Variants in FRY observed in about 807,000 individuals in gnomAD.
FRY encodes the protein protein furry homolog.
A neutral mutation model predicts 348.4 loss-of-function variants in FRY; 128 were observed. That is an observed-to-expected ratio of 0.37 (90% CI 0.32 to 0.43). The LOEUF is 0.43. Among genes scored for constraint, FRY ranks in the 20% least tolerant of loss-of-function variants. FRY has a pLI of 1.00. For missense variants in FRY, 2,736 were observed against 3,695.2 expected, an observed-to-expected ratio of 0.74 and a Z score of 6.73; for synonymous variants, 1,370 against 1,374.7, an observed-to-expected ratio of 1.00 and a Z score of 0.08.
chr13:32,202,315 T>A (rs962536699), intron 30 of FRY, 41 bp from the exon 31 acceptor site: 1 of 1,480,264 alleles, frequency 6.8e-7, no homozygotes, highest in Non-Finnish European at 9.5e-7. Flanking sequence ...ATCCAGCTAA[T>A]GCTTTTCATA....
Position 32,234,591 on chromosome 13 carries a change from C to G in FRY, c.5545C>G (p.Gln1849Glu), listed in dbSNP as rs370781336. 4 of 1,613,908 alleles carry G rather than the reference C, an allele frequency of 2.5e-6. No individual in the cohort carries two copies. In the South Asian group the frequency reaches 3.3e-5, roughly 13 times the overall value. ...DSKSGFHLEHQLSEVALQTAL... is the reference protein window; with the variant it reads ...DSKSGFHLEHELSEVALQTAL... ...TACCCTAGGCTTCCATCTGGAGCACCAGTTGAGTGAAGTTGCATTGCAGAC... is the reference window on the plus strand; with the variant it reads ...TACCCTAGGCTTCCATCTGGAGCACGAGTTGAGTGAAGTTGCATTGCAGAC... The change falls in exon 42 of 61, where the codon CAG becomes GAG. Residue 1849 changes from glutamine to glutamate, a missense_variant. Physicochemically the swap from Gln to Glu is conservative, Grantham distance 29 (BLOSUM62 2). This residue lies in a region of FRY where 794 missense variants were observed against 977.0 expected (regional missense o/e 0.81). Coordinates refer to ENST00000542859, the MANE Select transcript of FRY (RefSeq NM_023037.3).
chr13:32,276,673 T>C (rs1166358145), intron 57 of FRY, 111 bp downstream of exon 57: 5 of 741,368 alleles, frequency 6.7e-6, no homozygotes, highest in Non-Finnish European at 1.2e-5. Flanking sequence ...GACTTCATCT[T>C]TTCCTTTGTT....
At chr13:32,219,703 G>A (rs1885213869) in intron 36 of FRY, among the ~76,000 whole-genome samples, 1 of 152,034 alleles carries the variant, frequency 6.6e-6, no homozygotes, top group Non-Finnish European at 1.5e-5. Flanking sequence ...AGCTTGCAGT[G>A]AGCCGAGATC....
intron 37 of FRY, 126 bp downstream of exon 37, chr13:32,224,511 T>C: frequency 1.2e-6 from 1 of 829,950 alleles, no homozygotes; most frequent in Admixed American, 2.8e-5. Flanking sequence ...GGATCCTGCC[T>C]GATTTGACTG....
At position 32,037,017 on chromosome 13, in the gene FRY, C is replaced by T. The variant is rs74655449; in HGVS notation, c.70+5152C>T. On this transcript the variant is annotated intron_variant, in intron 1 of 60. Transcript: ENST00000542859. ...GCTCTTTGTCTCTCTGTTTCTCTCT[C>T]TCTCTGTTTTACACACACACACACA... is the stretch of plus-strand genomic sequence containing the variant. 7.9e-3 allele frequency among the ~76,000 whole-genome samples: 1,114 copies of T among 140,544 alleles called. 12 individuals carry two copies. The highest frequency in any genetic ancestry group is 0.028 in the African/African-American group (1,049 of 37,314). 92.2% of individuals were successfully genotyped at this position (140,544 alleles called of 152,430 possible).
At chr13:32,075,617 C>T (rs1874996321) in intron 1 of FRY, among the ~76,000 whole-genome samples, 1 of 152,114 alleles carries the variant, frequency 6.6e-6, no homozygotes, top group South Asian at 2.1e-4. Context: ...ATTTGACTAC[C>T]GGGGAACATG....
chr13:32,269,576 C>T (rs1888106122), intron 55 of FRY, among the ~76,000 whole-genome samples: 1 of 152,074 alleles, frequency 6.6e-6, no homozygotes, highest in East Asian at 1.9e-4. Flanking sequence ...CCTGTAATCC[C>T]AGCTACTCGG....
At chr13:32,261,432 A>G in intron 51 of FRY, 184 bp from the exon 52 acceptor site, 6 of 764,780 alleles carry the variant, frequency 7.8e-6, no homozygotes, top group Non-Finnish European at 2.4e-6. Context: ...ATGAGTTTAC[A>G]TGAAAATAGT....
Position 32,202,374 on chromosome 13 carries a change from T to C in FRY, c.3865T>C (p.Phe1289Leu). 6.2e-7 allele frequency: 1 copy of C among 1,614,122 alleles called. No homozygotes were observed. The highest frequency in any genetic ancestry group is 8.5e-7 in the Non-Finnish European group (1 of 1,179,974). Reference protein sequence around the residue: ...QLMQILEAKLFVYSKKVAEQR... With the variant: ...QLMQILEAKLLVYSKKVAEQR... ...TTTATAGATCCTTGAAGCAAAGCTT[T>C]TTGTATACTCAAAGAAAGTCGCTGA... is the stretch of plus-strand genomic sequence containing the variant. The change falls in exon 31 of 61, where the codon TTT becomes CTT. Residue 1289 changes from phenylalanine (F) to leucine (L), a missense_variant. Phe to Leu is a conservative substitution (Grantham distance 22, BLOSUM62 0). Transcript: ENST00000542859.
chr13:32,093,438 GTCTT>G lies in FRY; in HGVS notation c.271-8518_271-8515del, dbSNP rs1876470654. On this transcript the variant is annotated intron_variant, in intron 2 of 60. Transcript: ENST00000542859. ...CTCAAAACTTATTTATTGAGGAAAC[GTCTT>G]TCTTTCCCGCTCTTTCCTTCAGTCT... Among the ~76,000 whole-genome samples the G allele has an allele frequency of 2.6e-5, 4 of 152,168 alleles. No homozygotes were observed. In the South Asian group the frequency reaches 8.3e-4, roughly 32 times the overall value.
At chr13:32,227,342 T>C (rs1363891409) in intron 39 of FRY, among the ~76,000 whole-genome samples, 1 of 152,218 alleles carries the variant, frequency 6.6e-6, no homozygotes, top group East Asian at 1.9e-4. Context: ...TTTATTATAA[T>C]AGAACACTGA....
At position 32,135,171 on chromosome 13, in the gene FRY, G is replaced by C; in HGVS notation, c.1065G>C (p.Lys355Asn). ...YDTTLELSSR[K>N]KHSLALYPLV... The stretch of plus-strand genomic sequence containing the variant: ...CCACGCTGGAACTTTCTTCTCGAAA[G>C]AAGCATTCCTTGGTTAGTAACTATG... The change falls in exon 10 of 61, where the codon AAG (lysine) becomes AAC (asparagine). Residue 355 changes from lysine (K) to asparagine (N), a missense_variant. By Grantham distance (94) the Lys-to-Asn change is moderately conservative. Around this residue, in one of 9 missense-constraint regions of FRY, gnomAD observed 191 missense variants for 370.2 expected, o/e 0.52. Coordinates refer to ENST00000542859, the MANE Select transcript of FRY (RefSeq NM_023037.3). The C allele has an allele frequency of 6.2e-7, 1 of 1,601,180 alleles. No individual in the cohort carries two copies. Among genetic ancestry groups the C allele is most frequent in the Non-Finnish European group, 8.6e-7 (1 of 1,168,178 alleles).
rs188519732 is a variant in FRY at position 32,238,798 on chromosome 13, A to T, written c.6419-454A>T. On this transcript the variant is annotated intron_variant, in intron 44 of 60. Coordinates refer to ENST00000542859, the MANE Select transcript of FRY (RefSeq NM_023037.3). ...TGGCATGTGACCCAGAATTCATTTCATGAAGCTATCGCTTAACAGAGAGGG... is the reference window on the plus strand; with the variant it reads ...TGGCATGTGACCCAGAATTCATTTCTTGAAGCTATCGCTTAACAGAGAGGG... Among the ~76,000 whole-genome samples, 301 of 152,366 alleles carry T rather than the reference A, an allele frequency of 2.0e-3. 2 individuals are homozygous for T. The highest frequency in any genetic ancestry group is 8.8e-3 in the Admixed American group (135 of 15,306).
chr13:32,167,072 G>A (rs778419496), intron 17 of FRY, among the ~76,000 whole-genome samples: 1 of 152,190 alleles, frequency 6.6e-6, no homozygotes, highest in Admixed American at 6.5e-5. Context: ...TTGTGCGTGA[G>A]AGCAAAGTTA....
intron 2 of FRY, among the ~76,000 whole-genome samples, chr13:32,093,087 C>T (rs577961472): frequency 6.0e-4 from 92 of 152,280 alleles, no homozygotes; most frequent in Admixed American, 3.5e-3. Context: ...ATAGCCAATT[C>T]GTTACACACT....
chr13:32,177,204 A>G (rs2138233216), intron 20 of FRY, among the ~76,000 whole-genome samples: 1 of 152,370 alleles, frequency 6.6e-6, no homozygotes, highest in African/African-American at 2.4e-5. Context: ...AGAGAACAAA[A>G]TGGAATATAA....
At chr13:32,268,792 C>G (rs976145680) in intron 55 of FRY, among the ~76,000 whole-genome samples, 1 of 151,688 alleles carries the variant, frequency 6.6e-6, no homozygotes, top group Admixed American at 6.6e-5. Context: ...CTCAGCCTCC[C>G]GAGTAGCTGG....
At chr13:32,251,264 A>G (rs1887066301) in intron 49 of FRY, among the ~76,000 whole-genome samples, 1 of 152,252 alleles carries the variant, frequency 6.6e-6, no homozygotes, top group South Asian at 2.1e-4. Context: ...GCTGGAAAAT[A>G]GGTTTATGAA....
chr13:32,035,013 C>T (rs533027411), intron 1 of FRY, among the ~76,000 whole-genome samples: 6 of 152,126 alleles, frequency 3.9e-5, no homozygotes, highest in African/African-American at 7.2e-5. Context: ...GTAAAATGTA[C>T]GCAAAAATAA....
Sources: gnomAD v4.1 joint callset for allele counts (sites outside exome capture counted in the v4.1 genomes callset) on GRCh38, gnomAD v4.1.1 for gene constraint, gnomAD v4.1.1 regional missense constraint, MANE v1.5 for transcripts, NCBI Gene and HGNC (gene_info 2026-07-23, HGNC 2026-07-21) for gene names.